The following EXOC1L variants were observed in gnomAD, a reference collection of about 807,000 sequenced individuals.
The protein encoded by EXOC1L is exocyst complex component 1 like.
A neutral mutation model predicts 4.9 loss-of-function variants in EXOC1L; 10 were observed. The ratio of observed to expected loss-of-function variants is 2.02; its 90% CI spans 1.25 to 3.43. The LOEUF is 3.43. EXOC1L is among the 30% of genes most tolerant of loss of function. The probability of loss-of-function intolerance (pLI) is 0.00; values close to 1 mark genes in which losing one functional copy is unlikely to be tolerated. For missense variants in EXOC1L, 114 were observed against 59.4 expected (o/e 1.92, Z -3.02); for synonymous variants, 41 against 20.8 (o/e 1.97, Z -2.63).
Position 55,828,557 on chromosome 4 carries a change from C to T in EXOC1L, c.122-2777C>T, listed in dbSNP as rs78244200. ...CTACAAATGTGGTTTGGGGGCCAGG[C>T]ATGGTGACTCTCACCTATAATCCCA... On this transcript the variant is annotated intron_variant, in intron 1 of 2. Transcript: ENST00000636125. Among the ~76,000 whole-genome samples the T allele has an allele frequency of 7.6e-3, 1,163 of 152,288 alleles. 7 individuals are homozygous for T. Among genetic ancestry groups the T allele is most frequent in the African/African-American group, 0.026 (1,092 of 41,550 alleles).
chr4:55,832,802 A>G (rs1720067767), intron 2 of EXOC1L, among the ~76,000 whole-genome samples: 1 of 152,016 alleles, frequency 6.6e-6, no homozygotes, highest in African/African-American at 2.4e-5. Context: ...TTGGTTGTTG[A>G]AAGCCTCTAC....
chr4:55,830,489 T>G lies in EXOC1L; in HGVS notation c.122-845T>G, dbSNP rs578072034. ...TGCGGCATCTATTACAGTTCTATCATGCAAGTAGCAAATACTCAGTAAATA... is the reference window on the plus strand; with the variant it reads ...TGCGGCATCTATTACAGTTCTATCAGGCAAGTAGCAAATACTCAGTAAATA... On this transcript the variant is annotated intron_variant, in intron 1 of 2. Coordinates refer to ENST00000636125, the MANE Select transcript of EXOC1L (RefSeq NM_001351574.3). 5.3e-5 allele frequency among the ~76,000 whole-genome samples: 8 copies of G among 152,292 alleles called. No homozygotes were observed. The South Asian group carries it at 1.7e-3, about 32-fold the overall frequency.
intron 2 of EXOC1L, among the ~76,000 whole-genome samples, chr4:55,835,278 C>T (rs984235613): frequency 2.6e-5 from 4 of 151,456 alleles, no homozygotes; most frequent in Non-Finnish European, 5.9e-5. Context: ...TGGGCTGGTT[C>T]CATATTTTTG....
At chr4:55,827,754 T>C (rs1719921878) in intron 1 of EXOC1L, among the ~76,000 whole-genome samples, 1 of 152,198 alleles carries the variant, frequency 6.6e-6, no homozygotes, top group African/African-American at 2.4e-5. Context: ...CATAGTCCTT[T>C]GGTTCTGGGG....
intron 1 of EXOC1L, among the ~76,000 whole-genome samples, chr4:55,821,547 C>A (rs938946243): frequency 2.6e-5 from 4 of 151,848 alleles, no homozygotes; most frequent in Non-Finnish European, 4.4e-5. Flanking sequence ...TAAAGAAAAA[C>A]ATGAAAAATT....
rs1309715228 is a variant in EXOC1L, at chr4:55,820,537, A to G, written c.121+390A>G. ...TTTAAATACATTGGAGAATTGAGTT[A>G]TACAGCACCATTTGCAACTCGTCTG... On this transcript the variant is annotated intron_variant, in intron 1 of 2. Coordinates refer to ENST00000636125, the MANE Select transcript of EXOC1L (RefSeq NM_001351574.3). Among the ~76,000 whole-genome samples, 4 of 152,214 alleles carry G rather than the reference A, an allele frequency of 2.6e-5. No homozygotes were observed. The East Asian group carries it at 7.7e-4, about 29-fold the overall frequency.
chr4:55,828,588 T>C (rs1285187289), intron 1 of EXOC1L, among the ~76,000 whole-genome samples: 4 of 152,136 alleles, frequency 2.6e-5, no homozygotes, highest in African/African-American at 9.7e-5. Context: ...TCCCAACATT[T>C]TGAGAGGCCG....
intron 1 of EXOC1L, among the ~76,000 whole-genome samples, chr4:55,822,574 A>G (rs557956067): frequency 6.6e-6 from 1 of 152,240 alleles, no homozygotes; most frequent in African/African-American, 2.4e-5. Flanking sequence ...AGGACTTGAC[A>G]TAGCATATTA....
chr4:55,837,158 C>G lies in EXOC1L; in HGVS notation c.326C>G (p.Ala109Gly), dbSNP rs1266541424. The G allele has an allele frequency of 1.4e-6, 1 of 701,960 alleles. No individual in the cohort carries two copies. Among genetic ancestry groups the G allele is most frequent in the Admixed American group, 2.0e-5 (1 of 49,958 alleles). 43.5% of individuals were successfully genotyped at this position (701,960 alleles called of 1,614,324 possible). Residue 109 changes from alanine (A) to glycine (G), a missense_variant, in exon 3 of 3, where the codon GCC (alanine) becomes GGC (glycine). Ala to Gly is a moderately conservative substitution (Grantham distance 60). Coordinates refer to ENST00000636125, the MANE Select transcript of EXOC1L (RefSeq NM_001351574.3). ...GCATATAGCTGTGCTTCTAAATATGCCTTTGCTCGAACTGTAAATAAGCTG... is the reference window on the plus strand; with the variant it reads ...GCATATAGCTGTGCTTCTAAATATGGCTTTGCTCGAACTGTAAATAAGCTG... ...LEAYSCASKY[A>G]FARTVNKLNH... is the part of the protein sequence containing the mutation.
intron 1 of EXOC1L, 43 bp downstream of exon 1, chr4:55,820,190 C>A: frequency 2.5e-6 from 1 of 398,052 alleles, no homozygotes; most frequent in South Asian, 1.3e-4. Context: ...GCAAGTCACC[C>A]AAAGATGCTT....
At chr4:55,825,325 A>G (rs1447208217) in intron 1 of EXOC1L, among the ~76,000 whole-genome samples, 4 of 152,306 alleles carry the variant, frequency 2.6e-5, no homozygotes, top group African/African-American at 7.2e-5. Context: ...CTAACCAGTA[A>G]GAGTAGATGC....
intron 2 of EXOC1L, among the ~76,000 whole-genome samples, chr4:55,834,147 A>T (rs1420117583): frequency 6.6e-6 from 1 of 151,960 alleles, no homozygotes; most frequent in Non-Finnish European, 1.5e-5. Context: ...AATACCAATG[A>T]TACAGTTTTA....
chr4:55,831,583 G>GTT, intron 2 of EXOC1L, 119 bp downstream of exon 2: 1 of 475,494 alleles, frequency 2.1e-6, no homozygotes, highest in Non-Finnish European at 3.7e-6. Flanking sequence ...TATATTGTTC[G>GTT]TAAGTGGCAT....
intron 1 of EXOC1L, among the ~76,000 whole-genome samples, chr4:55,826,107 G>T (rs1477931046): frequency 6.8e-6 from 1 of 146,104 alleles, no homozygotes; most frequent in African/African-American, 2.5e-5. Flanking sequence ...AAAAAAGAAA[G>T]AAAAGAAAAA....
intron 2 of EXOC1L, 64 bp from the exon 3 acceptor site, chr4:55,837,021 G>T: frequency 3.3e-6 from 2 of 599,228 alleles, no homozygotes; most frequent in Non-Finnish European, 6.0e-6. Context: ...GAATATGAGA[G>T]AATCCAGGAA....
At chr4:55,822,443 C>G (rs1719770622) in intron 1 of EXOC1L, among the ~76,000 whole-genome samples, 1 of 152,130 alleles carries the variant, frequency 6.6e-6, no homozygotes, top group South Asian at 2.1e-4. Flanking sequence ...AACATTATCA[C>G]TGGAAGTTAA....
chr4:55,833,186 T>C (rs1446894855), intron 2 of EXOC1L, among the ~76,000 whole-genome samples: 1 of 151,870 alleles, frequency 6.6e-6, no homozygotes, highest in Non-Finnish European at 1.5e-5. Context: ...ATTTATATGA[T>C]AGAATATTAT....
In EXOC1L at chr4:55,837,172, G is replaced by A. The variant is rs1720186633; in HGVS notation, c.340G>A (p.Val114Ile). Residue 114 changes from valine (V) to isoleucine (I), a missense_variant, in exon 3 of 3, where the codon GTA becomes ATA. Val to Ile is a conservative substitution (Grantham distance 29, BLOSUM62 3). Coordinates refer to ENST00000636125, the MANE Select transcript of EXOC1L (RefSeq NM_001351574.3). ...CASKYAFART[V>I]NKLNHAYLKK... ...TTCTAAATATGCCTTTGCTCGAACT[G>A]TAAATAAGCTGAATCATGCATATCT... The A allele has an allele frequency of 1.4e-6, 1 of 702,082 alleles. No homozygotes were observed. Among genetic ancestry groups the A allele is most frequent in the East Asian group, 2.7e-5 (1 of 37,254 alleles). The allele number at this position is 702,082 out of a possible 1,614,324, so 43.5% of individuals were successfully genotyped here.
At position 55,831,377 on chromosome 4, in the gene EXOC1L, C is replaced by T. The variant is rs1418726498; in HGVS notation, c.165C>T (p.Tyr55=). Residue 55 remains tyrosine, a synonymous_variant, in exon 2 of 3, where the codon TAC becomes TAT. Transcript: ENST00000636125. ...TAAAAATAGTCATGGTGAAACACTA[C>T]AGAATAGGTTTAGATGAAAAATATG... ...EEVKIVMVKH[Y]RIGLDEKYEV... 1.5e-6 allele frequency: 1 copy of T among 684,724 alleles called. No individual in the cohort carries two copies. The highest frequency in any genetic ancestry group is 2.6e-6 in the Non-Finnish European group (1 of 377,370). The allele number at this position is 684,724 out of a possible 1,614,324, so 42.4% of individuals were successfully genotyped here. A position where few individuals can be genotyped will look rare whatever the true frequency, so the allele number is the denominator to read the frequency against.
Sources: gnomAD v4.1 joint callset for allele counts (sites outside exome capture counted in the v4.1 genomes callset) on GRCh38, gnomAD v4.1.1 for gene constraint, MANE v1.5 for transcripts, NCBI Gene and HGNC (gene_info 2026-07-23, HGNC 2026-07-21) for gene names.